CNGA1: variants seen among roughly 807,000 people sequenced by gnomAD.
CNGA1 encodes cyclic nucleotide-gated channel alpha-1.
Under a neutral mutation model 69.7 loss-of-function variants are expected in CNGA1, and 53 were observed. The observed-to-expected ratio is 0.76, with a 90% CI of 0.61 to 0.96. The LOEUF (loss-of-function observed/expected upper bound fraction) is 0.96. CNGA1 is among the 40% of genes least tolerant of loss of function. The probability of loss-of-function intolerance (pLI) is 0.00; values close to 1 mark genes in which losing one functional copy is unlikely to be tolerated. For missense variants in CNGA1, 739 were observed against 811.2 expected (o/e 0.91, Z 1.08); for synonymous variants, 249 against 283.5 (o/e 0.88, Z 1.22).
At chr4:47,983,342 G>A (rs1741828667) in intron 2 of CNGA1, among the ~76,000 whole-genome samples, 1 of 151,950 alleles carries the variant, frequency 6.6e-6, no homozygotes, top group African/African-American at 2.4e-5. Flanking sequence ...TGTAATCCCA[G>A]CACTTTGGGA....
chr4:47,943,208 T>G lies in CNGA1; in HGVS notation c.410A>C (p.Glu137Ala). ...KKKDKEKKKK[E>A]EKSKDKKEEE... ...TTCTTTCTTATCTTTGCTTTTCTCCTCTTTCTTTTTCTTCTCTTTGTCCTT... is the reference window on the plus strand; with the variant it reads ...TTCTTTCTTATCTTTGCTTTTCTCCGCTTTCTTTTTCTTCTCTTTGTCCTT... Residue 137 changes from glutamate (E) to alanine (A), a missense_variant, in exon 8 of 11, where the codon GAG (glutamate) becomes GCG (alanine). By Grantham distance (107) the Glu-to-Ala change is moderately radical. Transcript: ENST00000514170. The G allele has an allele frequency of 6.2e-7, 1 of 1,607,376 alleles. No homozygotes were observed. The highest frequency in any genetic ancestry group is 8.5e-7 in the Non-Finnish European group (1 of 1,177,062).
chr4:47,938,960 G>GAAAGAAAGAAAGAAAGA (rs1389652761), intron 10 of CNGA1, among the ~76,000 whole-genome samples: 2 of 144,510 alleles, frequency 1.4e-5, no homozygotes, highest in South Asian at 2.2e-4. Flanking sequence ...GGGAGGGAGG[G>GAAAGAAAGAAAGAAAGA]AAAGAAAGAA....
chr4:47,980,409 G>A (rs1344943955), intron 3 of CNGA1, among the ~76,000 whole-genome samples: 2 of 151,160 alleles, frequency 1.3e-5, no homozygotes, highest in Admixed American at 6.6e-5. Flanking sequence ...AATGCAGTAC[G>A]CATTTTTTAA....
Position 47,957,955 on chromosome 4 carries a change from C to T in CNGA1, c.-14-5252G>A, listed in dbSNP as rs575689632. Among the ~76,000 whole-genome samples, 180 of 142,494 alleles carry T rather than the reference C, an allele frequency of 1.3e-3. 2 individuals carry two copies. Among genetic ancestry groups the T allele is most frequent in the Non-Finnish European group, 4.2e-4 (28 of 66,596 alleles). The allele number at this position is 142,494 out of a possible 152,430, so 93.5% of individuals were successfully genotyped here. Reference sequence around the variant, plus strand: ...TGTCGCCCAGGATGGAGTGCAGTGGCGGGATCTCAGCTCACTGCAACCTCC... The same window carrying T: ...TGTCGCCCAGGATGGAGTGCAGTGGTGGGATCTCAGCTCACTGCAACCTCC... On this transcript the variant is annotated intron_variant, in intron 3 of 10. Transcript: ENST00000514170.
rs187802155 is a variant in CNGA1 at position 47,942,030 on chromosome 4, A to T, written c.545+11T>A. ...AGATCCACAAAAAAAAAAAAAAAAA[A>T]TTATAGACACCTGGCAATAACCATT... On this transcript the variant is annotated intron_variant, in intron 9 of 10. Transcript: ENST00000514170. 2 of 1,464,722 alleles carry T rather than the reference A, an allele frequency of 1.4e-6. No homozygotes were observed. Among genetic ancestry groups the T allele is most frequent in the East Asian group, 2.3e-5 (1 of 43,552 alleles). 90.7% of individuals were successfully genotyped at this position (1,464,722 alleles called of 1,614,324 possible).
chr4:47,940,869 T>C lies in CNGA1; in HGVS notation c.546A>G (p.Arg182=). The C allele has an allele frequency of 6.3e-7, 1 of 1,593,936 alleles. No homozygotes were observed. Among genetic ancestry groups the C allele is most frequent in the East Asian group, 2.2e-5 (1 of 44,724 alleles). The stretch of plus-strand genomic sequence containing the variant: ...CAGATTGAAGTTCATCAAAACATGC[T>C]CTATAAAAAAAGAAACACTTGTATA... The part of the protein sequence containing the change: ...VMYNWTMVIA[R]ACFDELQSDY... Residue 182 remains arginine, a splice_region_variant and synonymous_variant, in exon 10 of 11, where the codon AGA becomes AGG. Coordinates refer to ENST00000514170, the MANE Select transcript of CNGA1 (RefSeq NM_001379270.1).
chr4:47,938,343 G>T (rs962184954), intron 10 of CNGA1, among the ~76,000 whole-genome samples: 1 of 150,554 alleles, frequency 6.6e-6, no homozygotes, highest in African/African-American at 2.4e-5. Flanking sequence ...TTGGTCCCTG[G>T]CACAGAACTC....
At chr4:47,970,939 T>C (rs1480137197) in intron 3 of CNGA1, 2 of 453,680 alleles carry the variant, frequency 4.4e-6, no homozygotes, top group African/African-American at 4.0e-5. Context: ...GCAGATCACT[T>C]GAGATCAGGA....
chr4:47,959,414 T>A (rs1043424015), intron 3 of CNGA1, among the ~76,000 whole-genome samples: 6 of 142,518 alleles, frequency 4.2e-5, no homozygotes, highest in Middle Eastern at 3.6e-3. Context: ...AATTATCATT[T>A]TAAAAGTACA....
intron 1 of CNGA1, among the ~76,000 whole-genome samples, chr4:48,015,437 A>G (rs751827630): frequency 1.1e-4 from 16 of 152,180 alleles, no homozygotes; most frequent in Non-Finnish European, 2.2e-4. Context: ...GGCCTCTGCT[A>G]TGAAACTCTT....
At chr4:47,983,438 A>C (rs1026625879) in intron 2 of CNGA1, among the ~76,000 whole-genome samples, 1 of 151,938 alleles carries the variant, frequency 6.6e-6, no homozygotes, top group Non-Finnish European at 1.5e-5. Context: ...AAAATACAAA[A>C]ACTAGCTGGG....
chr4:48,000,233 G>A (rs1714608059), intron 2 of CNGA1, among the ~76,000 whole-genome samples: 1 of 152,064 alleles, frequency 6.6e-6, no homozygotes. Context: ...ACAAATATTT[G>A]AAGAAATAAT....
At position 47,943,388 on chromosome 4, in the gene CNGA1, C is replaced by G. The variant is rs1276261054; in HGVS notation, c.312G>C (p.Lys104Asn). 3 of 1,513,858 alleles carry G rather than the reference C, an allele frequency of 2.0e-6. No individual in the cohort carries two copies. Among genetic ancestry groups the G allele is most frequent in the Non-Finnish European group, 2.7e-6 (3 of 1,129,084 alleles). The allele number at this position is 1,513,858 out of a possible 1,614,324, so 93.8% of individuals were successfully genotyped here. The part of the protein sequence containing the change: ...KDQEPEEKKK[K>N]KKEKKSKSDD... ...AGTCTTACCTCTTCTTTTCTTTTTT[C>G]TTTTTCTTTTTTTCTTCTGGTTCCC... Residue 104 changes from lysine (K) to asparagine (N), a missense_variant, in exon 7 of 11, where the codon AAG becomes AAC. Coordinates refer to ENST00000514170, the MANE Select transcript of CNGA1 (RefSeq NM_001379270.1).
chr4:47,979,386 T>C (rs969844608), intron 3 of CNGA1, among the ~76,000 whole-genome samples: 1 of 152,038 alleles, frequency 6.6e-6, no homozygotes, highest in Non-Finnish European at 1.5e-5. Flanking sequence ...ACATTATATT[T>C]CTACTTTAAG....
intron 2 of CNGA1, among the ~76,000 whole-genome samples, chr4:47,996,587 T>A (rs1742485367): frequency 6.6e-6 from 1 of 152,206 alleles, no homozygotes. Flanking sequence ...AATATTAAGA[T>A]TATTATTATT....
intron 2 of CNGA1, among the ~76,000 whole-genome samples, chr4:48,004,216 A>T (rs62300278): frequency 9.2e-3 from 1,205 of 131,544 alleles, no homozygotes; most frequent in Non-Finnish European, 0.012. Context: ...TGGACACGTG[A>T]CCCATGTGGC....
chr4:48,000,609 C>T (rs62300276), intron 2 of CNGA1, among the ~76,000 whole-genome samples: 50,791 of 151,924 alleles, frequency 0.33, 10,379 homozygotes, highest in Non-Finnish European at 0.45. Flanking sequence ...CTCAGGTGAT[C>T]TGCCCACCTC....
chr4:48,010,758 A>G (rs1715121000), intron 2 of CNGA1, 36 bp downstream of exon 2: 2 of 153,416 alleles, frequency 1.3e-5, no homozygotes, highest in African/African-American at 4.8e-5. Context: ...GGGACTGGCA[A>G]TGGGCACCTT....
chr4:47,968,299 C>T (rs1394441891), intron 3 of CNGA1, among the ~76,000 whole-genome samples: 2 of 152,046 alleles, frequency 1.3e-5, no homozygotes, highest in Non-Finnish European at 2.9e-5. Flanking sequence ...GTTGAAATAA[C>T]AGATATTTTT....
Sources: allele counts gnomAD v4.1 joint callset (sites outside exome capture counted in the v4.1 genomes callset), GRCh38; gene constraint gnomAD v4.1.1; transcripts MANE v1.5; gene names NCBI Gene and HGNC (gene_info 2026-07-23, HGNC 2026-07-21).